Variants in SHANK2 observed in about 807,000 individuals in gnomAD.
SHANK2 encodes the protein SH3 and multiple ankyrin repeat domains protein 2.
In SHANK2, 43 loss-of-function variants were observed where a neutral mutation model predicts 133.7. The observed-to-expected ratio is 0.32, with a 90% CI of 0.25 to 0.41. SHANK2 has a LOEUF of 0.41. Among genes scored for constraint, SHANK2 ranks in the 10% least tolerant of loss-of-function variants. The pLI is 1.00. For synonymous variants in SHANK2, 1,017 were observed against 952.8 expected, an observed-to-expected ratio of 1.07 and a Z score of -1.24; for missense variants, 1,994 against 2,235.8, an observed-to-expected ratio of 0.89 and a Z score of 2.18.
At chr11:71,085,369 T>C (rs989895457) in intron 8 of SHANK2, among the ~76,000 whole-genome samples, 79 of 148,496 alleles carry the variant, frequency 5.3e-4, no homozygotes, top group Non-Finnish European at 1.0e-3. Flanking sequence ...GGCAAGAGAA[T>C]TGCTTGAACT....
intron 3 of SHANK2, among the ~76,000 whole-genome samples, chr11:71,121,057 C>T (rs1413178899): frequency 3.9e-5 from 6 of 152,252 alleles, no homozygotes; most frequent in African/African-American, 1.4e-4. Context: ...CAAGAACCAT[C>T]TGCTCCAGAA....
rs149076721 is a variant in SHANK2 at position 71,157,867 on chromosome 11, G to A, written c.-12-10529C>T. Among the ~76,000 whole-genome samples, 154 of 152,252 alleles carry A rather than the reference G, an allele frequency of 1.0e-3. 1 individual carries two copies. In the East Asian group the frequency reaches 0.026, roughly 26 times the overall value. On this transcript the variant is annotated intron_variant, in intron 2 of 25. Coordinates refer to ENST00000601538, the MANE Select transcript of SHANK2 (RefSeq NM_012309.5). ...GGCTTCCTGGGAGACAACCTACAGA[G>A]AAGGAAACCAATCAAGACAACAGGT... is the stretch of plus-strand genomic sequence containing the variant.
At chr11:70,795,384 T>C (rs1318891274) in intron 14 of SHANK2, among the ~76,000 whole-genome samples, 1 of 149,952 alleles carries the variant, frequency 6.7e-6, no homozygotes, top group Non-Finnish European at 1.5e-5. Flanking sequence ...TCTTTTCTTT[T>C]CTTTTTTCTT....
chr11:71,124,707 G>A (rs1375803231), intron 3 of SHANK2, among the ~76,000 whole-genome samples: 10 of 152,164 alleles, frequency 6.6e-5, no homozygotes, highest in African/African-American at 2.2e-4. Flanking sequence ...TCAAGTGATA[G>A]ATGATGTTCC....
intron 14 of SHANK2, among the ~76,000 whole-genome samples, chr11:70,797,461 C>A (rs782159636): frequency 6.6e-6 from 1 of 152,206 alleles, no homozygotes. Context: ...AGATCTCAGA[C>A]AGAAAACCTA....
At chr11:70,596,889 T>G (rs1554989690) in intron 17 of SHANK2, among the ~76,000 whole-genome samples, 1 of 152,192 alleles carries the variant, frequency 6.6e-6, no homozygotes, top group African/African-American at 2.4e-5. Flanking sequence ...GGGCACAGGC[T>G]TGGAGGCAAG....
intron 2 of SHANK2, among the ~76,000 whole-genome samples, chr11:71,198,555 G>C (rs113820014): frequency 6.6e-6 from 1 of 152,028 alleles, no homozygotes; most frequent in African/African-American, 2.4e-5. Context: ...CTACCACATC[G>C]TGAGTCCACG....
chr11:70,559,107 C>T (rs555934893), intron 17 of SHANK2, among the ~76,000 whole-genome samples: 1 of 151,258 alleles, frequency 6.6e-6, no homozygotes, highest in East Asian at 2.0e-4. Flanking sequence ...CAACCTCTGC[C>T]TCCAGGGTTC....
chr11:70,809,008 A>G (rs1555052614), intron 12 of SHANK2, among the ~76,000 whole-genome samples: 1 of 152,270 alleles, frequency 6.6e-6, no homozygotes, highest in South Asian at 2.1e-4. Flanking sequence ...TGACTTCTAC[A>G]CCCGACAGTA....
chr11:71,188,973 T>C lies in SHANK2; in HGVS notation c.-13+35724A>G, dbSNP rs1257371323. On this transcript the variant is annotated intron_variant, in intron 2 of 25. Coordinates refer to ENST00000601538, the MANE Select transcript of SHANK2 (RefSeq NM_012309.5). This position sits in a 1 kb window ranked among gnomAD's most constrained non-coding sequence, Gnocchi z 4.6. ...GCCCCCCACTCCCACCTAGATGGAG[T>C]CCCAGGAAGCTGCCCCACCACAGGG... 6.6e-6 allele frequency among the ~76,000 whole-genome samples: 1 copy of C among 150,932 alleles called. No homozygotes were observed. Among genetic ancestry groups the C allele is most frequent in the Non-Finnish European group, 1.5e-5 (1 of 67,646 alleles).
In SHANK2 at chr11:71,120,361, G is replaced by A. The variant is rs185790055; in HGVS notation, c.208-1329C>T. Among the ~76,000 whole-genome samples the A allele has an allele frequency of 5.3e-4, 81 of 152,262 alleles. No homozygotes were observed. The East Asian group carries it at 0.01, about 20-fold the overall frequency. The stretch of plus-strand genomic sequence containing the variant: ...TGTCAAAGTGTTCAGAACAAAAGGA[G>A]GTTTGATTGAATATAAGACTCAAAC... On this transcript the variant is annotated intron_variant, in intron 3 of 25. Coordinates refer to ENST00000601538, the MANE Select transcript of SHANK2 (RefSeq NM_012309.5).
chr11:70,573,487 G>A (rs1415747929), intron 17 of SHANK2, among the ~76,000 whole-genome samples: 2 of 143,992 alleles, frequency 1.4e-5, no homozygotes, highest in Non-Finnish European at 3.0e-5. Context: ...TTTTTAAAAA[G>A]TGTATCATGA....
At chr11:70,588,389 T>C (rs1403798842) in intron 17 of SHANK2, among the ~76,000 whole-genome samples, 2 of 152,240 alleles carry the variant, frequency 1.3e-5, no homozygotes, top group African/African-American at 4.8e-5. Context: ...GACAGTCCTC[T>C]TGCACCAGTT....
intron 10 of SHANK2, among the ~76,000 whole-genome samples, chr11:70,935,626 T>C (rs1950560933): frequency 6.6e-6 from 1 of 152,178 alleles, no homozygotes; most frequent in South Asian, 2.1e-4. Context: ...ACTGGGATGC[T>C]AACCTGTTAT....
At chr11:71,176,863 C>T (rs1258900714) in intron 2 of SHANK2, among the ~76,000 whole-genome samples, 2 of 152,098 alleles carry the variant, frequency 1.3e-5, no homozygotes, top group Non-Finnish European at 2.9e-5. Context: ...CTTCATGAAG[C>T]TCAATGTAAC....
At chr11:70,684,615 G>T (rs373372922) in intron 15 of SHANK2, among the ~76,000 whole-genome samples, 7 of 152,242 alleles carry the variant, frequency 4.6e-5, no homozygotes, top group African/African-American at 1.7e-4. Context: ...GGAGAATCCG[G>T]TTTGGTATCT....
Position 71,194,640 on chromosome 11 carries a change from C to T in SHANK2, c.-13+30057G>A, listed in dbSNP as rs138541822. The stretch of plus-strand genomic sequence containing the variant: ...AGGGACTGAGGAAATGGCCACATGT[C>T]TTCAGAGCCAACCTGCAAGTAATTA... On this transcript the variant is annotated intron_variant, in intron 2 of 25. Transcript: ENST00000601538. Among the ~76,000 whole-genome samples, 331 of 152,320 alleles carry T rather than the reference C, an allele frequency of 2.2e-3. 1 individual carries two copies. Among genetic ancestry groups the T allele is most frequent in the African/African-American group, 7.6e-3 (315 of 41,554 alleles).
chr11:70,768,081 T>C (rs1947163498), intron 14 of SHANK2, among the ~76,000 whole-genome samples: 1 of 152,188 alleles, frequency 6.6e-6, no homozygotes, highest in Non-Finnish European at 1.5e-5. Context: ...GCTGAGGATG[T>C]TGCTGAATTT....
At chr11:70,617,397 G>A (rs554184042) in intron 17 of SHANK2, among the ~76,000 whole-genome samples, 4 of 152,182 alleles carry the variant, frequency 2.6e-5, no homozygotes, top group Non-Finnish European at 5.9e-5. Context: ...CTCAGTCATG[G>A]ATGGAATGTG....
Sources: allele counts gnomAD v4.1 joint callset (sites outside exome capture counted in the v4.1 genomes callset), GRCh38; gene constraint gnomAD v4.1.1; non-coding constraint Gnocchi (gnomAD v3.1); transcripts MANE v1.5; gene names NCBI Gene and HGNC (gene_info 2026-07-23, HGNC 2026-07-21).